The following THSD7B variants were observed in gnomAD, a reference collection of about 807,000 sequenced individuals.
The protein encoded by THSD7B is thrombospondin type 1 domain containing 7B.
Under a neutral mutation model 213.6 loss-of-function variants are expected in THSD7B, and 138 were observed. The ratio of observed to expected loss-of-function variants is 0.65; its 90% CI spans 0.56 to 0.74. The LOEUF is 0.74. Among genes scored for constraint, THSD7B ranks in the 30% least tolerant of loss-of-function variants. The pLI is 0.00. For synonymous variants in THSD7B, 742 were observed against 687.0 expected (o/e 1.08, Z -1.25); for missense variants, 1,931 against 1,991.5 (o/e 0.97, Z 0.58).
chr2:137,598,075 C>T (rs1294049395), intron 17 of THSD7B, among the ~76,000 whole-genome samples: 3 of 152,022 alleles, frequency 2.0e-5, no homozygotes, highest in Non-Finnish European at 4.4e-5. Flanking sequence ...CCCATTTCCC[C>T]ATCTTTCTTT....
intron 12 of THSD7B, among the ~76,000 whole-genome samples, chr2:137,356,997 C>T (rs1012219099): frequency 2.7e-5 from 4 of 150,706 alleles, no homozygotes; most frequent in African/African-American, 9.8e-5. Context: ...CACACACACA[C>T]ACACACACTT....
rs529966729 is a variant in THSD7B, at chr2:136,974,510, C to G, written c.140-81910C>G. ...TAATGGCTTCCAGCTCCATCCATGT[C>G]CCTACAAAGGACATGATCTCATTCC... is the stretch of plus-strand genomic sequence containing the variant. On this transcript the variant is annotated intron_variant, in intron 2 of 27. Transcript: ENST00000409968. Among the ~76,000 whole-genome samples, 21 of 152,256 alleles carry G rather than the reference C, an allele frequency of 1.4e-4. No homozygotes were observed. The South Asian group carries it at 4.4e-3, about 32-fold the overall frequency.
intron 10 of THSD7B, among the ~76,000 whole-genome samples, chr2:137,258,633 G>T (rs1682363742): frequency 6.6e-6 from 1 of 150,438 alleles, no homozygotes; most frequent in African/African-American, 2.4e-5. Context: ...AGGCACACAT[G>T]GAAAGATACA....
chr2:137,413,491 G>T lies in THSD7B; in HGVS notation c.2959+1619G>T, dbSNP rs1402962429. On this transcript the variant is annotated intron_variant, in intron 14 of 27. Transcript: ENST00000409968. ...GAGGATGCTGAATAGAAAATTTTTC[G>T]ATAGACTTTAGGGAAGCCTTCACTG... Among the ~76,000 whole-genome samples, 3 of 152,148 alleles carry T rather than the reference G, an allele frequency of 2.0e-5. No individual in the cohort carries two copies. The South Asian group carries it at 6.2e-4, about 32-fold the overall frequency.
chr2:136,863,131 G>A (rs1327531159), intron 1 of THSD7B, among the ~76,000 whole-genome samples: 1 of 152,136 alleles, frequency 6.6e-6, no homozygotes, highest in Admixed American at 6.5e-5. Context: ...TAGAATACCC[G>A]TGGTCTGTCA....
chr2:136,786,481 G>A (rs1344379069), intron 1 of THSD7B, among the ~76,000 whole-genome samples: 1 of 152,038 alleles, frequency 6.6e-6, no homozygotes, highest in Non-Finnish European at 1.5e-5. Context: ...GACCTGTTCA[G>A]TTTTCCTGTG....
At chr2:137,132,831 C>T (rs1253202341) in intron 5 of THSD7B, among the ~76,000 whole-genome samples, 1 of 152,122 alleles carries the variant, frequency 6.6e-6, no homozygotes, top group Admixed American at 6.6e-5. Flanking sequence ...TATTCAACTG[C>T]CTCTTGTTAA....
At chr2:136,892,803 C>A (rs922468416) in intron 2 of THSD7B, among the ~76,000 whole-genome samples, 1 of 152,024 alleles carries the variant, frequency 6.6e-6, no homozygotes, top group African/African-American at 2.4e-5. Context: ...AGGTCCCAAG[C>A]CTTCCCAGAG....
chr2:137,160,429 G>C, intron 6 of THSD7B, 61 bp downstream of exon 6: 1 of 1,574,752 alleles, frequency 6.4e-7, no homozygotes, highest in African/African-American at 1.4e-5. Flanking sequence ...TATTCTGGTA[G>C]CTAAGTCACT....
chr2:136,858,309 G>A (rs990992517), intron 1 of THSD7B, among the ~76,000 whole-genome samples: 1 of 152,038 alleles, frequency 6.6e-6, no homozygotes, highest in African/African-American at 2.4e-5. Flanking sequence ...AACAAATAAG[G>A]CCCATTGTAA....
chr2:136,898,697 C>T (rs1468083097), intron 2 of THSD7B, among the ~76,000 whole-genome samples: 7 of 146,134 alleles, frequency 4.8e-5, no homozygotes, highest in African/African-American at 1.8e-4. Context: ...GGCTGGAGTG[C>T]AGTGGCATGA....
intron 14 of THSD7B, among the ~76,000 whole-genome samples, chr2:137,433,624 G>T (rs1687231803): frequency 6.6e-6 from 1 of 152,096 alleles, no homozygotes; most frequent in South Asian, 2.1e-4. Flanking sequence ...AAAGTGCCGG[G>T]ATTACAGGCA....
At chr2:137,140,354 A>G (rs1224933132) in intron 5 of THSD7B, among the ~76,000 whole-genome samples, 1 of 152,186 alleles carries the variant, frequency 6.6e-6, no homozygotes, top group Non-Finnish European at 1.5e-5. Context: ...TAACAAACGA[A>G]GTATACAGCA....
chr2:137,303,970 C>T (rs1413648513), intron 12 of THSD7B, among the ~76,000 whole-genome samples: 1 of 151,402 alleles, frequency 6.6e-6, no homozygotes, highest in Admixed American at 6.6e-5. Context: ...CCCACCACCC[C>T]CTGACAGGCC....
At chr2:137,008,161 A>C (rs1272894482) in intron 2 of THSD7B, among the ~76,000 whole-genome samples, 2 of 152,146 alleles carry the variant, frequency 1.3e-5, no homozygotes, top group Non-Finnish European at 2.9e-5. Flanking sequence ...CCCTCTGGCC[A>C]AAATTTCCAT....
At chr2:137,282,603 A>G (rs917747822) in intron 12 of THSD7B, among the ~76,000 whole-genome samples, 1 of 152,208 alleles carries the variant, frequency 6.6e-6, no homozygotes. Context: ...GAAGGGATCC[A>G]GTTTCAGCTT....
At chr2:137,582,752 G>C (rs1681609795) in intron 17 of THSD7B, among the ~76,000 whole-genome samples, 1 of 152,054 alleles carries the variant, frequency 6.6e-6, no homozygotes, top group Non-Finnish European at 1.5e-5. Context: ...TTGGACATTT[G>C]GGTTGGTTCC....
intron 12 of THSD7B, among the ~76,000 whole-genome samples, chr2:137,379,019 C>T (rs1685719786): frequency 6.6e-6 from 1 of 152,084 alleles, no homozygotes; most frequent in South Asian, 2.1e-4. Flanking sequence ...AAGCCAAGAG[C>T]CCTATCTGTG....
chr2:137,657,634 G>T (rs767434852), intron 24 of THSD7B, among the ~76,000 whole-genome samples: 1 of 152,160 alleles, frequency 6.6e-6, no homozygotes, highest in Non-Finnish European at 1.5e-5. Context: ...GTAAATTACA[G>T]GTATTTGTAT....
Sources: gnomAD v4.1 joint callset for allele counts (sites outside exome capture counted in the v4.1 genomes callset) on GRCh38, gnomAD v4.1.1 for gene constraint, MANE v1.5 for transcripts, NCBI Gene and HGNC (gene_info 2026-07-23, HGNC 2026-07-21) for gene names.